The following ZPR1 variants were observed in gnomAD, a reference collection of about 807,000 sequenced individuals.
ZPR1 encodes the protein ZPR1 zinc finger.
ZPR1 carries 37 observed loss-of-function variants against 59.6 expected under a neutral mutation model. That is an observed-to-expected ratio of 0.62 (90% CI 0.48 to 0.82). The LOEUF (loss-of-function observed/expected upper bound fraction) is 0.82. Ranked by LOEUF, ZPR1 falls within the 40% of genes least tolerant of loss-of-function variation. The pLI, the probability that ZPR1 is intolerant of heterozygous loss-of-function variation, is 0.00. For missense variants in ZPR1, 527 were observed against 579.9 expected, an observed-to-expected ratio of 0.91 and a Z score of 0.94; for synonymous variants, 191 against 215.2, an observed-to-expected ratio of 0.89 and a Z score of 0.99.
At chr11:116,785,913 C>G in intron 4 of ZPR1, 31 bp from the exon 5 acceptor site, 3 of 1,598,974 alleles carry the variant, frequency 1.9e-6, no homozygotes, top group Non-Finnish European at 2.6e-6. Context: ...AGCATCAGCC[C>G]TGGTGGTGTA....
At chr11:116,783,815 G>A (rs76341142) in intron 9 of ZPR1, among the ~76,000 whole-genome samples, 196 bp from the exon 10 acceptor site, 6,716 of 147,112 alleles carry the variant, frequency 0.046, 459 homozygotes, top group African/African-American at 0.16. Context: ...CCCTGGTAAC[G>A]TGCCAAAACT....
chr11:116,782,673 T>TA (rs1387594312), intron 11 of ZPR1, among the ~76,000 whole-genome samples: 2 of 152,186 alleles, frequency 1.3e-5, no homozygotes, highest in Non-Finnish European at 2.9e-5. Context: ...TACAGTAAAA[T>TA]AAATGACTTG....
At position 116,787,926 on chromosome 11, in the gene ZPR1, G is replaced by C; in HGVS notation, c.65C>G (p.Pro22Arg). 3 of 1,492,966 alleles carry C rather than the reference G, an allele frequency of 2.0e-6. No homozygotes were observed. Among genetic ancestry groups the C allele is most frequent in the Middle Eastern group, 2.4e-4 (1 of 4,182 alleles). 92.5% of individuals were successfully genotyped at this position (1,492,966 alleles called of 1,614,324 possible). A position where few individuals can be genotyped will look rare whatever the true frequency, so the allele number is the denominator to read the frequency against. ...PGAAVAPSPA[P>R]APPPAPDHLF... ...GTGATCAGGGGCAGGCGGCGGGGCCGGGGCGGGCGACGGGGCGACGGCAGC... is the reference window on the plus strand; with the variant it reads ...GTGATCAGGGGCAGGCGGCGGGGCCCGGGCGGGCGACGGGGCGACGGCAGC... The change falls in exon 1 of 14, where the codon CCG becomes CGG. Residue 22 changes from proline to arginine, a missense_variant. By Grantham distance (103) the Pro-to-Arg change is moderately radical. Transcript: ENST00000227322.
intron 8 of ZPR1, 111 bp downstream of exon 8, chr11:116,784,744 T>C (rs1346760629): frequency 1.8e-6 from 2 of 1,135,198 alleles, no homozygotes; most frequent in Middle Eastern, 2.0e-4. Context: ...ATATCTTCCT[T>C]ATCACTGGGT....
chr11:116,780,930 T>C (rs1368869900), intron 12 of ZPR1, among the ~76,000 whole-genome samples: 1 of 152,162 alleles, frequency 6.6e-6, no homozygotes, highest in Non-Finnish European at 1.5e-5. Flanking sequence ...ATAAGTGCTA[T>C]ATAAACTGCA....
Position 116,784,888 on chromosome 11 carries a change from T to G in ZPR1, c.787A>C (p.Asn263His), listed in dbSNP as rs1940860695. Residue 263 changes from asparagine to histidine, a missense_variant, in exon 8 of 14, where the codon AAT becomes CAT. Transcript: ENST00000227322. Reference protein sequence around the residue: ...LQFSTNCPECNAPAQTNMKLV... With the variant: ...LQFSTNCPECHAPAQTNMKLV... ...TTCATGTTGGTCTGAGCGGGGGCATTGCATTCTGGGCAGTTTGTGCTGAAC... is the reference window on the plus strand; with the variant it reads ...TTCATGTTGGTCTGAGCGGGGGCATGGCATTCTGGGCAGTTTGTGCTGAAC... 1 of 1,614,186 alleles carries G rather than the reference T, an allele frequency of 6.2e-7. No homozygotes were observed. The highest frequency in any genetic ancestry group is 1.6e-4 in the Middle Eastern group (1 of 6,062).
chr11:116,782,290 T>G, intron 11 of ZPR1, 46 bp from the exon 12 acceptor site: 1 of 1,551,846 alleles, frequency 6.4e-7, no homozygotes, highest in Non-Finnish European at 8.9e-7. Flanking sequence ...GGCTTTATAT[T>G]TGTTAGGCCT....
Position 116,787,992 on chromosome 11 carries a change from G to T in ZPR1, c.-2C>A. ...TTCCACAGCCCCGCTGGCCGCCATGGCCACCACGCGCAATTCAGACCTCGG... is the reference window on the plus strand; with the variant it reads ...TTCCACAGCCCCGCTGGCCGCCATGTCCACCACGCGCAATTCAGACCTCGG... On this transcript the variant is annotated 5_prime_UTR_variant, in exon 1 of 14. Coordinates refer to ENST00000227322, the MANE Select transcript of ZPR1 (RefSeq NM_003904.5). The T allele has an allele frequency of 7.0e-7, 1 of 1,426,364 alleles. No individual in the cohort carries two copies. Among genetic ancestry groups the T allele is most frequent in the Admixed American group, 3.1e-5 (1 of 32,238 alleles). The allele number at this position is 1,426,364 out of a possible 1,614,324, so 88.4% of individuals were successfully genotyped here.
intron 9 of ZPR1, 64 bp downstream of exon 9, chr11:116,784,314 A>C: frequency 6.4e-7 from 1 of 1,555,954 alleles, no homozygotes; most frequent in East Asian, 2.2e-5. Flanking sequence ...ACTTAGGAAG[A>C]ATGATAGTTA....
chr11:116,787,267 G>A (rs1372620526), intron 2 of ZPR1: 11 of 662,940 alleles, frequency 1.7e-5, no homozygotes, highest in Non-Finnish European at 2.8e-5. Flanking sequence ...AACAACTACT[G>A]CTCATTTCAT....
In ZPR1 at chr11:116,785,812, G is replaced by A. The variant is rs781227489; in HGVS notation, c.566C>T (p.Ala189Val). The stretch of plus-strand genomic sequence containing the variant: ...AATACTCACCAGAGTGAAAGGGGAG[G>A]CTACTTGCTTTAGCTCCTTCAGTTT... Reference protein sequence around the residue: ...IVKLKELKQVASPFTLIIDDP... With the variant: ...IVKLKELKQVVSPFTLIIDDP... The change falls in exon 5 of 14, where the codon GCC (alanine) becomes GTC (valine). Residue 189 changes from alanine to valine, a missense_variant. By Grantham distance (64) the Ala-to-Val change is moderately conservative. Transcript: ENST00000227322. The A allele has an allele frequency of 5.6e-6, 9 of 1,614,174 alleles. No homozygotes were observed. In the East Asian group the frequency reaches 1.8e-4, roughly 32 times the overall value.
In ZPR1 at chr11:116,778,941, A is replaced by G; in HGVS notation, c.1364T>C (p.Leu455Pro). ...CACCCACTGCTACCGTTGCGGAGCC[A>G]GGCCTGCCTCATAGCCCTCTGTCTT... is the stretch of plus-strand genomic sequence containing the variant. ...DMKTEGYEAG[L>P]APQR The change falls in exon 14 of 14, where the codon CTG (leucine) becomes CCG (proline). Residue 455 changes from leucine (L) to proline (P), a missense_variant. Physicochemically the swap from Leu to Pro is moderately conservative, Grantham distance 98. Coordinates refer to ENST00000227322, the MANE Select transcript of ZPR1 (RefSeq NM_003904.5). 6.2e-7 allele frequency: 1 copy of G among 1,614,066 alleles called. No individual in the cohort carries two copies. Among genetic ancestry groups the G allele is most frequent in the Admixed American group, 1.7e-5 (1 of 60,028 alleles).
chr11:116,787,906 C>A lies in ZPR1; in HGVS notation c.85G>T (p.Asp29Tyr). ...SPAPAPPPAP[D>Y]HLFRPISAED... ...GCGCTGATGGGCCGGAACAGGTGAT[C>A]AGGGGCAGGCGGCGGGGCCGGGGCG... is the stretch of plus-strand genomic sequence containing the variant. The change falls in exon 1 of 14, where the codon GAT becomes TAT. Residue 29 changes from aspartate to tyrosine, a missense_variant. Coordinates refer to ENST00000227322, the MANE Select transcript of ZPR1 (RefSeq NM_003904.5). 6.6e-7 allele frequency: 1 copy of A among 1,523,294 alleles called. No individual in the cohort carries two copies. Among genetic ancestry groups the A allele is most frequent in the South Asian group, 1.2e-5 (1 of 82,538 alleles). The allele number at this position is 1,523,294 out of a possible 1,614,324, so 94.4% of individuals were successfully genotyped here.
At chr11:116,780,621 GTTGGTT>G (rs1940792058) in intron 12 of ZPR1, among the ~76,000 whole-genome samples, 1 of 152,030 alleles carries the variant, frequency 6.6e-6, no homozygotes, top group African/African-American at 2.4e-5. Context: ...TATAAATTGG[GTTGGTT>G]CTTGTCTGGC....
In ZPR1 at chr11:116,785,550, G is replaced by A; in HGVS notation, c.669C>T (p.Asn223=). Residue 223 remains asparagine (N), a synonymous_variant, in exon 6 of 14, where the codon AAC becomes AAT. Coordinates refer to ENST00000227322, the MANE Select transcript of ZPR1 (RefSeq NM_003904.5). The part of the protein sequence containing the change: ...KDDALVITHY[N]RTRQQEEMLG... ...GCATCTCTTCCTGCTGTCGGGTCCG[G>A]TTGTAGTGTGTGATCACCAGGGCAT... 2.5e-6 allele frequency: 4 copies of A among 1,614,174 alleles called. No individual in the cohort carries two copies. Among genetic ancestry groups the A allele is most frequent in the Non-Finnish European group, 2.5e-6 (3 of 1,180,040 alleles).
At chr11:116,779,699 T>C in intron 13 of ZPR1, 73 bp downstream of exon 13, 1 of 1,151,040 alleles carries the variant, frequency 8.7e-7, no homozygotes, top group Admixed American at 1.9e-5. Context: ...TTTCAGTTTC[T>C]AGGGAAATGA....
chr11:116,781,098 C>T (rs529587090), intron 12 of ZPR1, among the ~76,000 whole-genome samples: 1 of 151,170 alleles, frequency 6.6e-6, no homozygotes, highest in East Asian at 1.9e-4. Flanking sequence ...AGGGAATCTC[C>T]CAAAGAAGAA....
At chr11:116,787,406 G>A in intron 2 of ZPR1, 76 bp downstream of exon 2, 1 of 1,484,168 alleles carries the variant, frequency 6.7e-7, no homozygotes, top group Non-Finnish European at 9.2e-7. Context: ...AGATCCGACC[G>A]CCTGGACCAG....
intron 11 of ZPR1, 81 bp from the exon 12 acceptor site, chr11:116,782,325 C>T: frequency 8.0e-7 from 1 of 1,249,450 alleles, no homozygotes; most frequent in South Asian, 1.3e-5. Flanking sequence ...CAGGGGGTGA[C>T]AGTGGGTGCC....
Sources: gnomAD v4.1 joint callset for allele counts (sites outside exome capture counted in the v4.1 genomes callset) on GRCh38, gnomAD v4.1.1 for gene constraint, MANE v1.5 for transcripts, NCBI Gene and HGNC (gene_info 2026-07-23, HGNC 2026-07-21) for gene names.